HM13: variants seen among roughly 807,000 people sequenced by gnomAD.
HM13 encodes signal peptide peptidase.
Under a neutral mutation model 50.0 loss-of-function variants are expected in HM13, and 18 were observed. That is an observed-to-expected ratio of 0.36 (90% CI 0.25 to 0.53). The LOEUF is 0.53. HM13 is among the 20% of genes least tolerant of loss of function. The probability of loss-of-function intolerance (pLI) is 0.90; values close to 1 mark genes in which losing one functional copy is unlikely to be tolerated. For missense variants in HM13, 393 were observed against 552.4 expected (o/e 0.71, Z 2.89); for synonymous variants, 197 against 232.6 (o/e 0.85, Z 1.39).
intron 4 of HM13, chr20:31,547,684 A>G (rs1600651132): frequency 1.4e-6 from 2 of 1,417,666 alleles, no homozygotes; most frequent in East Asian, 2.3e-5. Context: ...ACATACAGAA[A>G]TCCTTACCGT....
chr20:31,533,500 G>A lies in HM13; in HGVS notation c.283-4679G>A, dbSNP rs534492986. Among the ~76,000 whole-genome samples the A allele has an allele frequency of 5.3e-5, 8 of 152,246 alleles. No homozygotes were observed. In the East Asian group the frequency reaches 7.7e-4, roughly 15 times the overall value. On this transcript the variant is annotated intron_variant, in intron 2 of 12. Transcript: ENST00000398174. Reference sequence around the variant, plus strand: ...AGCCTGGGTGACAGAGTGAGACTTCGTCTCAAAAAAAACAACAACAAAAAA... The same window carrying A: ...AGCCTGGGTGACAGAGTGAGACTTCATCTCAAAAAAAACAACAACAAAAAA...
At chr20:31,563,134 G>A (rs920140565) in intron 10 of HM13, 2 of 152,342 alleles carry the variant, frequency 1.3e-5, no homozygotes, top group African/African-American at 4.8e-5. Context: ...CATCAGGCTG[G>A]GCCCTGGGTG....
chr20:31,538,366 A>G, intron 3 of HM13, 105 bp downstream of exon 3: 1 of 1,598,064 alleles, frequency 6.3e-7, no homozygotes, highest in East Asian at 2.2e-5. Context: ...CCAGGTTTGA[A>G]TCCTGGCTAT....
chr20:31,549,376 T>A, intron 6 of HM13, 44 bp downstream of exon 6: 1 of 1,611,680 alleles, frequency 6.2e-7, no homozygotes, highest in Non-Finnish European at 8.5e-7. Flanking sequence ...TCCGGGGCCA[T>A]CTCATCTCAT....
chr20:31,531,829 T>C (rs1194419209), intron 2 of HM13, among the ~76,000 whole-genome samples: 3 of 152,080 alleles, frequency 2.0e-5, no homozygotes, highest in Non-Finnish European at 2.9e-5. Flanking sequence ...GACATGGTGG[T>C]GCAGGCTTAT....
chr20:31,561,213 A>G (rs533741894), intron 9 of HM13, among the ~76,000 whole-genome samples: 1 of 152,306 alleles, frequency 6.6e-6, no homozygotes, highest in East Asian at 1.9e-4. Context: ...TTCACCTCAG[A>G]TGTTTTTTTC....
chr20:31,566,778 C>T (rs182138295), intron 11 of HM13, among the ~76,000 whole-genome samples: 48 of 152,104 alleles, frequency 3.2e-4, no homozygotes, highest in Admixed American at 2.2e-3. Context: ...ACCCACAGCT[C>T]ACTGCTTTCT....
At chr20:31,539,114 G>A (rs1983288795) in intron 3 of HM13, 2 of 985,470 alleles carry the variant, frequency 2.0e-6, no homozygotes, top group Non-Finnish European at 2.4e-6. Context: ...TGTCCTTTCA[G>A]TGGGGAGAGT....
chr20:31,521,748 A>G (rs1392307299), intron 1 of HM13, among the ~76,000 whole-genome samples: 1 of 142,360 alleles, frequency 7.0e-6, no homozygotes, highest in Non-Finnish European at 1.5e-5. Context: ...AAAAAAAAGT[A>G]CCTGCTTTGT....
At chr20:31,547,363 G>C (rs1983782738) in intron 4 of HM13, 2 of 366,672 alleles carry the variant, frequency 5.5e-6, no homozygotes, top group Non-Finnish European at 4.9e-6. Flanking sequence ...CGCGCTGGCT[G>C]TGTCATCTTC....
chr20:31,517,576 A>G (rs770014143), intron 1 of HM13, among the ~76,000 whole-genome samples: 4 of 152,238 alleles, frequency 2.6e-5, no homozygotes, highest in Non-Finnish European at 4.4e-5. Flanking sequence ...GAGCTCTGAT[A>G]GGCCTCCTGG....
chr20:31,537,319 G>A (rs1983170508), intron 2 of HM13, among the ~76,000 whole-genome samples: 1 of 152,252 alleles, frequency 6.6e-6, no homozygotes, highest in South Asian at 2.1e-4. Context: ...GCCAACAGGT[G>A]GATGTGAGCT....
At chr20:31,566,917 G>A (rs1414445552) in intron 11 of HM13, among the ~76,000 whole-genome samples, 1 of 152,084 alleles carries the variant, frequency 6.6e-6, no homozygotes, top group Admixed American at 6.5e-5. Flanking sequence ...CAGCACTGCC[G>A]ACCCTGCCTG....
intron 8 of HM13, among the ~76,000 whole-genome samples, chr20:31,558,196 C>A (rs1039302300): frequency 3.3e-5 from 5 of 152,198 alleles, no homozygotes; most frequent in Non-Finnish European, 7.3e-5. Flanking sequence ...CCATTGCTTA[C>A]AATTGGCTTG....
At position 31,525,788 on chromosome 20, in the gene HM13, A is replaced by G. The variant is rs186817825; in HGVS notation, c.184-1696A>G. 3.3e-5 allele frequency among the ~76,000 whole-genome samples: 5 copies of G among 152,208 alleles called. No homozygotes were observed. In the East Asian group the frequency reaches 7.7e-4, roughly 23 times the overall value. ...AAAAAAAGAAAAAAAGAAAAGAAAGAAAAGAAATTTATACCAGTACTATAT... is the reference window on the plus strand; with the variant it reads ...AAAAAAAGAAAAAAAGAAAAGAAAGGAAAGAAATTTATACCAGTACTATAT... On this transcript the variant is annotated intron_variant, in intron 1 of 12. Coordinates refer to ENST00000398174, the MANE Select transcript of HM13 (RefSeq NM_178581.3).
At chr20:31,558,559 G>T (rs1984440165) in intron 8 of HM13, among the ~76,000 whole-genome samples, 1 of 146,300 alleles carries the variant, frequency 6.8e-6, no homozygotes, top group Non-Finnish European at 1.5e-5. Context: ...TCTCCTCCTG[G>T]CGTGTGGCAT....
Position 31,527,596 on chromosome 20 carries a change from C to T in HM13, c.282+14C>T, listed in dbSNP as rs752840222. On this transcript the variant is annotated intron_variant, in intron 2 of 12. Coordinates refer to ENST00000398174, the MANE Select transcript of HM13 (RefSeq NM_178581.3). ...CTCTTTTTCAAAGTAAGTCTTTTGC[C>T]ACCTGTTGTGTCATTTGATCTAAAT... is the stretch of plus-strand genomic sequence containing the variant. 1.3e-6 allele frequency: 2 copies of T among 1,559,944 alleles called. No homozygotes were observed. Among genetic ancestry groups the T allele is most frequent in the South Asian group, 2.2e-5 (2 of 89,578 alleles).
chr20:31,526,970 C>T (rs1002609689), intron 1 of HM13, among the ~76,000 whole-genome samples: 3 of 152,188 alleles, frequency 2.0e-5, no homozygotes, highest in Non-Finnish European at 4.4e-5. Flanking sequence ...CTGCCATAGC[C>T]CTTCTCCCCA....
At chr20:31,529,060 G>A (rs1982658934) in intron 2 of HM13, among the ~76,000 whole-genome samples, 1 of 152,218 alleles carries the variant, frequency 6.6e-6, no homozygotes, top group African/African-American at 2.4e-5. Flanking sequence ...GAGTGCACTG[G>A]TGCAATCATG....
Sources: allele counts gnomAD v4.1 joint callset (sites outside exome capture counted in the v4.1 genomes callset), GRCh38; gene constraint gnomAD v4.1.1; transcripts MANE v1.5; gene names NCBI Gene and HGNC (gene_info 2026-07-23, HGNC 2026-07-21).